The following GALNT14 variants were observed in gnomAD, a reference collection of about 807,000 sequenced individuals.
GALNT14 encodes the protein polypeptide N-acetylgalactosaminyltransferase 14, also known as UDP-GalNAc:polypeptide N-acetylgalactosaminyltransferase 14.
Under a neutral mutation model 77.5 loss-of-function variants are expected in GALNT14, and 60 were observed. The ratio of observed to expected loss-of-function variants is 0.77; its 90% CI spans 0.63 to 0.96. The LOEUF (loss-of-function observed/expected upper bound fraction) is 0.96, where lower values mean the gene tolerates loss of function less well. Ranked by LOEUF, GALNT14 falls within the 40% of genes least tolerant of loss-of-function variation. The pLI, the probability that GALNT14 is intolerant of heterozygous loss-of-function variation, is 0.00. For missense variants in GALNT14, 710 were observed against 731.0 expected (o/e 0.97, Z 0.33); for synonymous variants, 280 against 281.7 (o/e 0.99, Z 0.06).
chr2:31,082,441 G>C (rs1676202046), intron 1 of GALNT14, among the ~76,000 whole-genome samples: 1 of 152,232 alleles, frequency 6.6e-6, no homozygotes, highest in Non-Finnish European at 1.5e-5. Context: ...CACAGATGGA[G>C]CTGAAAGCCA....
chr2:30,908,886 G>A (rs1399779252), downstream of GALNT14, among the ~76,000 whole-genome samples: 4 of 149,782 alleles, frequency 2.7e-5, no homozygotes, highest in Admixed American at 2.7e-4. Context: ...ACAGAACAGA[G>A]CCCTCAGAAA....
chr2:31,084,393 C>G (rs1490072963), intron 1 of GALNT14, among the ~76,000 whole-genome samples: 3 of 152,178 alleles, frequency 2.0e-5, no homozygotes, highest in Non-Finnish European at 2.9e-5. Context: ...ATGGCTGATT[C>G]AAGGAACAAA....
chr2:31,039,331 T>G (rs1672954225), intron 1 of GALNT14, among the ~76,000 whole-genome samples: 1 of 152,234 alleles, frequency 6.6e-6, no homozygotes, highest in African/African-American at 2.4e-5. Flanking sequence ...GAGCAGCATT[T>G]CCTTAGCACT....
chr2:31,082,052 C>G (rs1451959114), intron 1 of GALNT14, among the ~76,000 whole-genome samples: 1 of 152,172 alleles, frequency 6.6e-6, no homozygotes. Context: ...AGCAGAGGCT[C>G]CTACAAACTT....
intron 1 of GALNT14, chr2:31,079,039 A>C: frequency 7.9e-7 from 1 of 1,273,074 alleles, no homozygotes; most frequent in African/African-American, 1.5e-5. Flanking sequence ...GGGTAGGCTC[A>C]GGTGTCAGCT....
chr2:30,902,058 T>C, the GALNT14 span, among the ~76,000 whole-genome samples: 1 of 152,216 alleles, frequency 6.6e-6, no homozygotes, highest in Non-Finnish European at 1.5e-5. Flanking sequence ...CGGATTTGAC[T>C]GAGGGCTCTC....
chr2:31,018,762 T>C (rs1671538703), intron 1 of GALNT14, among the ~76,000 whole-genome samples: 1 of 152,166 alleles, frequency 6.6e-6, no homozygotes, highest in Non-Finnish European at 1.5e-5. Flanking sequence ...GTGCAGGTTC[T>C]TTGGGATGAC....
At chr2:30,997,045 A>G (rs759054969) in intron 1 of GALNT14, among the ~76,000 whole-genome samples, 2 of 152,230 alleles carry the variant, frequency 1.3e-5, no homozygotes, top group Non-Finnish European at 2.9e-5. Context: ...TCATCATGCA[A>G]TCCTCACCCA....
chr2:30,945,783 C>T lies in GALNT14; in HGVS notation c.742G>A (p.Gly248Arg), dbSNP rs377530203. 1 of 1,613,436 alleles carries T rather than the reference C, an allele frequency of 6.2e-7. No homozygotes were observed. Among genetic ancestry groups the T allele is most frequent in the Non-Finnish European group, 8.5e-7 (1 of 1,179,368 alleles). ...YIESASELRG[G>R]FDWSLHFQWE... ...GGGAGGAGGTGTTAGCCCAACTCAC[C>T]CCCTCTGAGCTCCGAGGCAGACTCG... The change falls in exon 7 of 15, where the codon GGG (glycine) becomes AGG (arginine). Residue 248 changes from glycine (G) to arginine (R), a missense_variant and splice_region_variant. Physicochemically the swap from Gly to Arg is moderately radical, Grantham distance 125. Coordinates refer to ENST00000349752, the MANE Select transcript of GALNT14 (RefSeq NM_024572.4).
chr2:31,062,651 T>C (rs993048997), intron 1 of GALNT14, among the ~76,000 whole-genome samples: 8 of 152,202 alleles, frequency 5.3e-5, no homozygotes, highest in Non-Finnish European at 1.2e-4. Flanking sequence ...TCTTCCACAA[T>C]GGTTGAACTA....
chr2:30,941,172 T>C (rs1487888489), intron 9 of GALNT14, among the ~76,000 whole-genome samples: 1 of 152,202 alleles, frequency 6.6e-6, no homozygotes, highest in Non-Finnish European at 1.5e-5. Flanking sequence ...GTGTCAGACA[T>C]GTGCCACGGT....
chr2:31,121,582 G>A (rs1046952534), intron 1 of GALNT14, among the ~76,000 whole-genome samples: 5 of 152,032 alleles, frequency 3.3e-5, no homozygotes, highest in African/African-American at 1.2e-4. Context: ...CCGCAGTCTG[G>A]CCCACTCCTG....
At chr2:30,989,577 TATATAA>T (rs1181084393) in intron 2 of GALNT14, among the ~76,000 whole-genome samples, 5 of 128,012 alleles carry the variant, frequency 3.9e-5, no homozygotes, top group Admixed American at 8.1e-5. Context: ...TATATATATA[TATATAA>T]AAATATATAT....
chr2:31,027,117 C>G (rs578255078), intron 1 of GALNT14, among the ~76,000 whole-genome samples: 1 of 152,332 alleles, frequency 6.6e-6, no homozygotes, highest in East Asian at 1.9e-4. Flanking sequence ...CTAGGAAACA[C>G]AGGCCCTTGC....
intron 13 of GALNT14, among the ~76,000 whole-genome samples, chr2:30,915,681 T>C (rs962416212): frequency 6.6e-6 from 1 of 152,170 alleles, no homozygotes; most frequent in African/African-American, 2.4e-5. Flanking sequence ...ATTCGCTGAG[T>C]GCTGGGCCCT....
intron 2 of GALNT14, among the ~76,000 whole-genome samples, chr2:30,982,641 C>T (rs753304442): frequency 3.3e-5 from 5 of 152,112 alleles, no homozygotes; most frequent in South Asian, 4.2e-4. Flanking sequence ...AAGGTAGCCA[C>T]GGAGAATTCT....
intron 1 of GALNT14, among the ~76,000 whole-genome samples, chr2:31,097,586 T>C (rs1344384049): frequency 1.3e-5 from 2 of 150,976 alleles, no homozygotes; most frequent in Non-Finnish European, 3.0e-5. Flanking sequence ...GAAAATAAAA[T>C]AGGGTTTTTG....
intron 1 of GALNT14, among the ~76,000 whole-genome samples, chr2:31,088,444 T>C (rs998131507): frequency 6.6e-6 from 1 of 152,172 alleles, no homozygotes; most frequent in Non-Finnish European, 1.5e-5. Flanking sequence ...GCTTGCCTGA[T>C]TGGGCTTGGC....
chr2:30,887,113 A>T, the GALNT14 span, among the ~76,000 whole-genome samples: 1 of 152,208 alleles, frequency 6.6e-6, no homozygotes, highest in African/African-American at 2.4e-5. Flanking sequence ...CCATTTGTTT[A>T]TCCATTCTTC....
Sources: allele counts gnomAD v4.1 joint callset (sites outside exome capture counted in the v4.1 genomes callset), GRCh38; gene constraint gnomAD v4.1.1; transcripts MANE v1.5; gene names NCBI Gene and HGNC (gene_info 2026-07-23, HGNC 2026-07-21).